ALOX5: variants seen among roughly 807,000 people sequenced by gnomAD.
The protein encoded by ALOX5 is arachidonate 5-lipoxygenase.
Under a neutral mutation model 87.9 loss-of-function variants are expected in ALOX5, and 64 were observed. The observed-to-expected ratio is 0.73, with a 90% CI of 0.60 to 0.90. The LOEUF is 0.90. Among genes scored for constraint, ALOX5 ranks in the 40% least tolerant of loss-of-function variants. The pLI, the probability that ALOX5 is intolerant of heterozygous loss-of-function variation, is 0.00. For synonymous variants in ALOX5, 388 were observed against 355.1 expected (o/e 1.09, Z -1.04); for missense variants, 822 against 907.5 (o/e 0.91, Z 1.21).
At chr10:45,443,672 C>T in intron 11 of ALOX5, 56 bp from the exon 12 acceptor site, 1 of 1,591,728 alleles carries the variant, frequency 6.3e-7, no homozygotes, top group Non-Finnish European at 8.5e-7. Flanking sequence ...GGGGTGGGCG[C>T]CGGGCCCTGG....
At chr10:45,445,190 G>C (rs1842397771) in intron 13 of ALOX5, among the ~76,000 whole-genome samples, 1 of 152,212 alleles carries the variant, frequency 6.6e-6, no homozygotes, top group South Asian at 2.1e-4. Flanking sequence ...CAAGACAGCA[G>C]GATACCATGG....
In ALOX5 at chr10:45,445,369, G is replaced by A. The variant is rs1842403930; in HGVS notation, c.1846-139G>A. 3.8e-6 allele frequency: 4 copies of A among 1,048,040 alleles called. No individual in the cohort carries two copies. In the East Asian group the frequency reaches 1.0e-4, roughly 27 times the overall value. 64.9% of individuals were successfully genotyped at this position (1,048,040 alleles called of 1,614,324 possible). On this transcript the variant is annotated intron_variant, in intron 13 of 13. Transcript: ENST00000374391. ...CCCGAGGCCCTCTTGTCAGGCAGCA[G>A]AGGGTGAATATGGGGAGGTGAATAG...
At chr10:45,390,183 T>A (rs960938084) in intron 2 of ALOX5, among the ~76,000 whole-genome samples, 12 of 152,216 alleles carry the variant, frequency 7.9e-5, no homozygotes, top group African/African-American at 2.9e-4. Context: ...GCACCCAGAT[T>A]TATAAAGCAA....
intron 7 of ALOX5, among the ~76,000 whole-genome samples, chr10:45,433,656 G>A (rs1223462688): frequency 2.6e-5 from 4 of 152,162 alleles, no homozygotes; most frequent in Non-Finnish European, 4.4e-5. Flanking sequence ...CTAAAAGGGC[G>A]GGATATCTTG....
At chr10:45,412,772 A>C (rs1841114892) in intron 4 of ALOX5, among the ~76,000 whole-genome samples, 1 of 152,096 alleles carries the variant, frequency 6.6e-6, no homozygotes, top group Non-Finnish European at 1.5e-5. Context: ...TCCCCATTTT[A>C]CAGTTGAGGA....
intron 2 of ALOX5, among the ~76,000 whole-genome samples, chr10:45,384,206 C>G (rs947754553): frequency 6.6e-6 from 1 of 152,040 alleles, no homozygotes; most frequent in Non-Finnish European, 1.5e-5. Context: ...TAGAAAGGTT[C>G]TGGGGAGTGA....
intron 3 of ALOX5, among the ~76,000 whole-genome samples, chr10:45,411,331 A>G (rs536981381): frequency 1.3e-5 from 2 of 152,146 alleles, no homozygotes; most frequent in Non-Finnish European, 2.9e-5. Context: ...GTGACTTAGA[A>G]TGCCTAACCT....
At chr10:45,415,377 T>A (rs1437189666) in intron 4 of ALOX5, among the ~76,000 whole-genome samples, 1 of 152,108 alleles carries the variant, frequency 6.6e-6, no homozygotes, top group Non-Finnish European at 1.5e-5. Context: ...TAGGTGGGAA[T>A]TGAACAATGA....
intron 1 of ALOX5, among the ~76,000 whole-genome samples, chr10:45,381,795 T>C (rs1281605620): frequency 6.6e-6 from 1 of 152,222 alleles, no homozygotes; most frequent in East Asian, 1.9e-4. Context: ...TCCATTTCTT[T>C]CACCTGCCTG....
chr10:45,412,767 A>G (rs1589018675), intron 4 of ALOX5, among the ~76,000 whole-genome samples: 2 of 152,236 alleles, frequency 1.3e-5, no homozygotes, highest in Admixed American at 6.5e-5. Flanking sequence ...CATCATCCCC[A>G]TTTTACAGTT....
chr10:45,386,577 A>G (rs770292218), intron 2 of ALOX5, among the ~76,000 whole-genome samples: 2 of 151,622 alleles, frequency 1.3e-5, no homozygotes, highest in Non-Finnish European at 1.5e-5. Context: ...TTTTGCACCT[A>G]ATAAGAAAAA....
In ALOX5 at chr10:45,409,609, T is replaced by TTC. The variant is rs996375795; in HGVS notation, c.432-2570_432-2569dup. On this transcript the variant is annotated intron_variant, in intron 3 of 13. Transcript: ENST00000374391. The stretch of plus-strand genomic sequence containing the variant: ...TCTCTGTCTCTCTGTCTCTCTTGCT[T>TTC]TCTCTCTCTCTCTTTCTCTCTCTCT... Among the ~76,000 whole-genome samples, 4 of 149,288 alleles carry TTC rather than the reference T, an allele frequency of 2.7e-5. No homozygotes were observed. The South Asian group carries it at 6.4e-4, about 24-fold the overall frequency.
intron 3 of ALOX5, 63 bp from the exon 4 acceptor site, chr10:45,412,128 C>T (rs1346326129): frequency 6.2e-7 from 1 of 1,608,172 alleles, no homozygotes; most frequent in East Asian, 2.2e-5. Flanking sequence ...GGGCGGCCCT[C>T]AGCTGAGGGG....
chr10:45,445,615 G>A lies in ALOX5; in HGVS notation c.1953G>A (p.Glu651=), dbSNP rs1452658201. ...NLEAIVSVIA[E]RNKKKQLPYY... Reference sequence around the variant, plus strand: ...AGGCCATTGTCAGCGTGATTGCTGAGCGCAACAAGAAGAAGCAGCTGCCAT... The same window carrying A: ...AGGCCATTGTCAGCGTGATTGCTGAACGCAACAAGAAGAAGCAGCTGCCAT... Residue 651 remains glutamate (E), a synonymous_variant, in exon 14 of 14, where the codon GAG becomes GAA. Transcript: ENST00000374391. 3 of 1,614,170 alleles carry A rather than the reference G, an allele frequency of 1.9e-6. No individual in the cohort carries two copies. The Admixed American group carries it at 5.0e-5, about 27-fold the overall frequency.
chr10:45,432,824 A>G (rs978058239), intron 7 of ALOX5, among the ~76,000 whole-genome samples: 2 of 152,258 alleles, frequency 1.3e-5, no homozygotes, highest in Non-Finnish European at 2.9e-5. Context: ...TGATTATGTA[A>G]TGTTTTAAAA....
Position 45,444,128 on chromosome 10 carries a change from T to A in ALOX5, c.1687T>A (p.Ser563Thr). ...GTCGTCTCCGCAGTACGACTGGTGCTCCTGGATCCCCAATGCGCCCCCAAC... is the reference window on the plus strand; with the variant it reads ...GTCGTCTCCGCAGTACGACTGGTGCACCTGGATCCCCAATGCGCCCCCAAC... ...AVNFGQYDWC[S>T]WIPNAPPTMR... is the part of the protein sequence containing the mutation. Residue 563 changes from serine (S) to threonine (T), a missense_variant, in exon 13 of 14, where the codon TCC (serine) becomes ACC (threonine). By Grantham distance (58) the Ser-to-Thr change is moderately conservative. Transcript: ENST00000374391. 6.5e-7 allele frequency: 1 copy of A among 1,545,502 alleles called. No homozygotes were observed. The highest frequency in any genetic ancestry group is 8.7e-7 in the Non-Finnish European group (1 of 1,143,360).
chr10:45,424,938 G>C, intron 5 of ALOX5, 22 bp from the exon 6 acceptor site: 1 of 1,613,518 alleles, frequency 6.2e-7, no homozygotes, highest in Non-Finnish European at 8.5e-7. Context: ...GCTCAGGGTG[G>C]GCCTCGCTTT....
At chr10:45,409,533 CTG>C (rs1491371774) in intron 3 of ALOX5, among the ~76,000 whole-genome samples, 1,404 of 132,562 alleles carry the variant, frequency 0.011, 25 homozygotes, top group African/African-American at 0.033. Flanking sequence ...CTCTCTCTCT[CTG>C]TCTCTCTGTC....
At chr10:45,391,817 G>A (rs548813258) in intron 2 of ALOX5, among the ~76,000 whole-genome samples, 7 of 151,168 alleles carry the variant, frequency 4.6e-5, no homozygotes, top group South Asian at 2.1e-4. Context: ...CCCTCCGCCC[G>A]GCAGCCGCCC....
Sources: allele counts gnomAD v4.1 joint callset (sites outside exome capture counted in the v4.1 genomes callset), GRCh38; gene constraint gnomAD v4.1.1; transcripts MANE v1.5; gene names NCBI Gene and HGNC (gene_info 2026-07-23, HGNC 2026-07-21).